Variants in ADAMTS2 observed in about 807,000 individuals in gnomAD.
ADAMTS2 encodes A disintegrin and metalloproteinase with thrombospondin motifs 2.
ADAMTS2 carries 50 observed loss-of-function variants against 123.0 expected under a neutral mutation model. The observed-to-expected ratio is 0.41, with a 90% CI of 0.32 to 0.51. The LOEUF (loss-of-function observed/expected upper bound fraction) is 0.51, where lower values mean the gene tolerates loss of function less well. Ranked by LOEUF, ADAMTS2 falls within the 20% of genes least tolerant of loss-of-function variation. ADAMTS2 has a pLI of 0.35. For synonymous variants in ADAMTS2, 678 were observed against 695.4 expected (o/e 0.98, Z 0.39); for missense variants, 1,494 against 1,705.2 (o/e 0.88, Z 2.18).
intron 3 of ADAMTS2, among the ~76,000 whole-genome samples, chr5:179,247,450 T>A (rs1049074016): frequency 6.6e-6 from 1 of 152,052 alleles, no homozygotes; most frequent in Non-Finnish European, 1.5e-5. Context: ...CAAAGGGGCA[T>A]AAAGAATGTT....
rs1766195991 is a variant in ADAMTS2, at chr5:179,260,745, A to G, written c.688+12166T>C. Among the ~76,000 whole-genome samples, 1 of 152,216 alleles carries G rather than the reference A, an allele frequency of 6.6e-6. No homozygotes were observed. Among genetic ancestry groups the G allele is most frequent in the Non-Finnish European group, 1.5e-5 (1 of 68,048 alleles). Reference sequence around the variant, plus strand: ...AAAGCACCAACCCACCGTGGGGCTCATTACAAGAATCCTAGGAGATGATGT... The same window carrying G: ...AAAGCACCAACCCACCGTGGGGCTCGTTACAAGAATCCTAGGAGATGATGT... On this transcript the variant is annotated intron_variant, in intron 3 of 21. Transcript: ENST00000251582. This position sits in a 1 kb window ranked among gnomAD's most constrained non-coding sequence, Gnocchi z 4.2.
intron 3 of ADAMTS2, among the ~76,000 whole-genome samples, chr5:179,227,052 A>T (rs773532832): frequency 1.3e-5 from 2 of 152,172 alleles, no homozygotes; most frequent in Non-Finnish European, 2.9e-5. Context: ...ACGAAAACAC[A>T]GTATCTACAG....
At chr5:179,291,194 G>A (rs1756178120) in intron 2 of ADAMTS2, among the ~76,000 whole-genome samples, 1 of 152,226 alleles carries the variant, frequency 6.6e-6, no homozygotes, top group African/African-American at 2.4e-5. Flanking sequence ...TGAGTGCGGG[G>A]CTCTGGGATA....
rs1002688137 is a variant in ADAMTS2, at chr5:179,111,304, C to A, written c.*2563G>T. 1.3e-5 allele frequency: 2 copies of A among 152,232 alleles called. No homozygotes were observed. The highest frequency in any genetic ancestry group is 2.9e-5 in the Non-Finnish European group (2 of 68,058). 9.4% of individuals were successfully genotyped at this position (152,232 alleles called of 1,614,324 possible). A position where few individuals can be genotyped will look rare whatever the true frequency, so the allele number is the denominator to read the frequency against. On this transcript the variant is annotated 3_prime_UTR_variant, in exon 22 of 22. Transcript: ENST00000251582. ...AACTCAGCTAGAAGACATCTGTCTG[C>A]CTCCTCTGGGCGCCAGGAGCCCCTC... is the stretch of plus-strand genomic sequence containing the variant.
chr5:179,175,471 A>G lies in ADAMTS2; in HGVS notation c.975+5601T>C, dbSNP rs1282422781. ...GATCACTTTCTTCCTATCATTAATC[A>G]GGTACAATTTCCTTCCAATGGGTCC... is the stretch of plus-strand genomic sequence containing the variant. On this transcript the variant is annotated intron_variant, in intron 5 of 21. Transcript: ENST00000251582. This position sits in a 1 kb window ranked among gnomAD's most constrained non-coding sequence, Gnocchi z 4.1. Among the ~76,000 whole-genome samples the G allele has an allele frequency of 6.6e-6, 1 of 152,222 alleles. No individual in the cohort carries two copies. The highest frequency in any genetic ancestry group is 2.4e-5 in the African/African-American group (1 of 41,468).
chr5:179,182,212 T>C (rs3797601), intron 4 of ADAMTS2, among the ~76,000 whole-genome samples: 105,074 of 152,172 alleles, frequency 0.69, 37,430 homozygotes, highest in African/African-American at 0.86. Context: ...CCTGCTTGCA[T>C]GCCCAGAGCC....
chr5:179,174,532 TCA>T (rs1200436147), intron 5 of ADAMTS2, among the ~76,000 whole-genome samples: 5 of 152,228 alleles, frequency 3.3e-5, no homozygotes, highest in Admixed American at 6.5e-5. Flanking sequence ...CTTATATTTG[TCA>T]CATGATAATT....
intron 2 of ADAMTS2, among the ~76,000 whole-genome samples, chr5:179,280,865 C>T (rs55742814): frequency 0.33 from 49,457 of 151,272 alleles, 8,830 homozygotes; most frequent in Non-Finnish European, 0.39. Context: ...TGCTTTTTTT[C>T]TTCTTTTTTT....
intron 2 of ADAMTS2, among the ~76,000 whole-genome samples, chr5:179,296,636 TGGGTAAGGTCCCCAGG>T (rs1756343188): frequency 6.6e-6 from 1 of 151,640 alleles, no homozygotes; most frequent in Non-Finnish European, 1.5e-5. Flanking sequence ...ATGGGCTCAG[TGGGTAAGGTCCCCAGG>T]GGCGGCCTGG....
At chr5:179,174,504 A>T (rs1193080469) in intron 5 of ADAMTS2, among the ~76,000 whole-genome samples, 3 of 152,218 alleles carry the variant, frequency 2.0e-5, no homozygotes, top group African/African-American at 7.2e-5. Context: ...TGATTTAAAT[A>T]GTTGAATGTT....
At chr5:179,333,596 G>GTTTTTTTTTT (rs1219136980) in intron 2 of ADAMTS2, among the ~76,000 whole-genome samples, 85 of 105,902 alleles carry the variant, frequency 8.0e-4, no homozygotes, top group East Asian at 8.6e-4. Context: ...GTTTTTTTCT[G>GTTTTTTTTTT]TTTTTTTTTT....
intron 3 of ADAMTS2, among the ~76,000 whole-genome samples, chr5:179,265,490 GC>G: frequency 6.6e-6 from 1 of 152,220 alleles, no homozygotes; most frequent in Non-Finnish European, 1.5e-5. Flanking sequence ...AATAAGGGGG[GC>G]CCAGCCCTCG....
In ADAMTS2 at chr5:179,155,937, T is replaced by G. The variant is rs1047462604; in HGVS notation, c.1133-1018A>C. Among the ~76,000 whole-genome samples the G allele has an allele frequency of 6.6e-6, 1 of 152,120 alleles. No individual in the cohort carries two copies. Among genetic ancestry groups the G allele is most frequent in the African/African-American group, 2.4e-5 (1 of 41,432 alleles). On this transcript the variant is annotated intron_variant, in intron 6 of 21. Coordinates refer to ENST00000251582, the MANE Select transcript of ADAMTS2 (RefSeq NM_014244.5). This position sits in a 1 kb window ranked among gnomAD's most constrained non-coding sequence, Gnocchi z 5.1. ...CGGGTGAGCTGGCGGTGTACGCGCC[T>G]AAAAATAGAAGCATCGTGATCTAAC...
intron 2 of ADAMTS2, among the ~76,000 whole-genome samples, chr5:179,338,083 G>A (rs7726793): frequency 0.26 from 39,336 of 152,166 alleles, 5,083 homozygotes; most frequent in Admixed American, 0.3. Context: ...ACATGGCCGC[G>A]CACATTTACC....
At position 179,136,575 on chromosome 5, in the gene ADAMTS2, G is replaced by A. The variant is rs373500220; in HGVS notation, c.1952-533C>T. 1.2e-4 allele frequency among the ~76,000 whole-genome samples: 18 copies of A among 151,324 alleles called. No individual in the cohort carries two copies. In the East Asian group the frequency reaches 2.7e-3, roughly 23 times the overall value. On this transcript the variant is annotated intron_variant, in intron 12 of 21. Transcript: ENST00000251582. ...AGATACTTGGGAGGCTGAGGCAGGA[G>A]AATCGCTTGAACCCAGGAGGCCGAG...
chr5:179,166,451 C>T (rs1763699437), intron 5 of ADAMTS2, among the ~76,000 whole-genome samples: 1 of 152,186 alleles, frequency 6.6e-6, no homozygotes, highest in Admixed American at 6.5e-5. Flanking sequence ...GCTGAATGCT[C>T]CCCAGGGCTG....
chr5:179,154,106 G>T lies in ADAMTS2; in HGVS notation c.1325C>A (p.Ala442Asp), dbSNP rs1763419619. Residue 442 changes from alanine to aspartate, a missense_variant, in exon 8 of 22, where the codon GCC becomes GAC. Transcript: ENST00000251582. ...GCGGGACCAGTGGAAGCGGTGGAAG[G>T]CGGCCTGCACCAGGGGCGCCATGAT... ...GSIMAPLVQAAFHRFHWSRCS... is the reference protein window; with the variant it reads ...GSIMAPLVQADFHRFHWSRCS... The T allele has an allele frequency of 6.2e-7, 1 of 1,601,220 alleles. No homozygotes were observed.
At chr5:179,125,546 G>C (rs11948229) in intron 18 of ADAMTS2, among the ~76,000 whole-genome samples, 1 of 152,110 alleles carries the variant, frequency 6.6e-6, no homozygotes, top group African/African-American at 2.4e-5. Context: ...AATCCTTCTC[G>C]GCAGAGCTCA....
rs539861993 is a variant in ADAMTS2, at chr5:179,262,879, T to C, written c.688+10032A>G. ...TCCTGTCAGACACATGGTGGACACA[T>C]AGCAAGAACGTGACGAGTGAATGCA... On this transcript the variant is annotated intron_variant, in intron 3 of 21. Coordinates refer to ENST00000251582, the MANE Select transcript of ADAMTS2 (RefSeq NM_014244.5). This position sits in a 1 kb window ranked among gnomAD's most constrained non-coding sequence, Gnocchi z 5.9. Among the ~76,000 whole-genome samples, 1 of 152,338 alleles carries C rather than the reference T, an allele frequency of 6.6e-6. No individual in the cohort carries two copies. Among genetic ancestry groups the C allele is most frequent in the East Asian group, 1.9e-4 (1 of 5,182 alleles).
Sources: gnomAD v4.1 joint callset for allele counts (sites outside exome capture counted in the v4.1 genomes callset) on GRCh38, gnomAD v4.1.1 for gene constraint, Gnocchi (gnomAD v3.1) non-coding constraint, MANE v1.5 for transcripts, NCBI Gene and HGNC (gene_info 2026-07-23, HGNC 2026-07-21) for gene names.